ATP8A2: variants seen among roughly 807,000 people sequenced by gnomAD.
The protein encoded by ATP8A2 is ATPase phospholipid transporting 8A2, also known as phospholipid-transporting ATPase IB.
In ATP8A2, 100 loss-of-function variants were observed where a neutral mutation model predicts 165.6. The observed-to-expected ratio is 0.60, with a 90% CI of 0.51 to 0.71. The LOEUF (loss-of-function observed/expected upper bound fraction) is 0.71. ATP8A2 is among the 30% of genes least tolerant of loss of function. ATP8A2 has a pLI of 0.00. For missense variants in ATP8A2, 1,227 were observed against 1,479.5 expected (o/e 0.83, Z 2.80); for synonymous variants, 543 against 548.8 (o/e 0.99, Z 0.15).
intron 33 of ATP8A2, among the ~76,000 whole-genome samples, chr13:25,898,112 A>T (rs960560449): frequency 2.0e-5 from 3 of 152,170 alleles, no homozygotes; most frequent in Admixed American, 2.0e-4. Context: ...TCTGATTTTT[A>T]GAGTTTCCAG....
intron 2 of ATP8A2, among the ~76,000 whole-genome samples, chr13:25,502,983 C>T (rs966044343): frequency 1.2e-4 from 18 of 152,144 alleles, no homozygotes; most frequent in Admixed American, 2.6e-4. Context: ...GAAGACTTGA[C>T]CAAACTTTTG....
intron 24 of ATP8A2, among the ~76,000 whole-genome samples, chr13:25,627,405 T>A (rs753434216): frequency 6.6e-6 from 1 of 152,104 alleles, no homozygotes; most frequent in Non-Finnish European, 1.5e-5. Flanking sequence ...AAAATTTATA[T>A]GTTGAAGCGC....
At position 25,768,942 on chromosome 13, in the gene ATP8A2, G is replaced by A. The variant is rs779308406; in HGVS notation, c.2385-104G>A. Reference sequence around the variant, plus strand: ...AGCATAAAATGGATGTATTGAATTTGGAGATCGTCCAGTAACTGTCCTTTT... The same window carrying A: ...AGCATAAAATGGATGTATTGAATTTAGAGATCGTCCAGTAACTGTCCTTTT... On this transcript the variant is annotated intron_variant, in intron 25 of 36. Coordinates refer to ENST00000381655, the MANE Select transcript of ATP8A2 (RefSeq NM_016529.6). The A allele has an allele frequency of 4.6e-6, 5 of 1,087,716 alleles. No individual in the cohort carries two copies. In the African/African-American group the frequency reaches 6.2e-5, roughly 14 times the overall value. 67.4% of individuals were successfully genotyped at this position (1,087,716 alleles called of 1,614,324 possible).
intron 33 of ATP8A2, among the ~76,000 whole-genome samples, chr13:25,907,459 T>C (rs147266884): frequency 6.6e-6 from 1 of 152,360 alleles, no homozygotes; most frequent in East Asian, 1.9e-4. Context: ...GAGCTTGGCC[T>C]CTGGTGAGTT....
intron 24 of ATP8A2, among the ~76,000 whole-genome samples, chr13:25,668,365 C>T (rs2042197619): frequency 6.6e-6 from 1 of 151,990 alleles, no homozygotes; most frequent in Non-Finnish European, 1.5e-5. Context: ...TTCTGGGCTC[C>T]ATGGTTTCTG....
intron 33 of ATP8A2, chr13:25,950,942 CT>C (rs1955338923): frequency 6.6e-6 from 1 of 152,218 alleles, no homozygotes; most frequent in African/African-American, 2.4e-5. Context: ...CTCATGCACA[CT>C]CCCTTTCCCC....
At position 25,387,164 on chromosome 13, in the gene ATP8A2, TCTG is replaced by T. The variant is rs547580962; in HGVS notation, c.76+14878_76+14880del. Among the ~76,000 whole-genome samples, 874 of 152,274 alleles carry T rather than the reference TCTG, an allele frequency of 5.7e-3. 4 individuals carry two copies. Among genetic ancestry groups the T allele is most frequent in the Middle Eastern group, 0.014 (4 of 294 alleles). On this transcript the variant is annotated intron_variant, in intron 1 of 36. Transcript: ENST00000381655. ...ACCGGAGAAACATTGCCGAGGTGAT[TCTG>T]CCTAGAAAGCAATCAAGGATTTCCA...
intron 30 of ATP8A2, among the ~76,000 whole-genome samples, chr13:25,854,853 A>G (rs1347921748): frequency 6.6e-6 from 1 of 152,228 alleles, no homozygotes; most frequent in African/African-American, 2.4e-5. Context: ...CATTGAAAGT[A>G]TGCAATTCTA....
chr13:25,480,798 G>A (rs1323877707), intron 2 of ATP8A2, among the ~76,000 whole-genome samples: 1 of 149,552 alleles, frequency 6.7e-6, no homozygotes, highest in Admixed American at 6.6e-5. Flanking sequence ...GGGAGGCCAA[G>A]GCAGGTGGCT....
chr13:25,624,087 G>A (rs1043656438), intron 24 of ATP8A2, among the ~76,000 whole-genome samples: 1 of 152,066 alleles, frequency 6.6e-6, no homozygotes, highest in African/African-American at 2.4e-5. Flanking sequence ...CACATTGGTG[G>A]TGCTTAAACG....
intron 30 of ATP8A2, among the ~76,000 whole-genome samples, chr13:25,844,025 G>T (rs1211340160): frequency 6.6e-6 from 1 of 152,140 alleles, no homozygotes; most frequent in Non-Finnish European, 1.5e-5. Context: ...GCAAGAGTAT[G>T]CCAGGACCAT....
intron 27 of ATP8A2, among the ~76,000 whole-genome samples, chr13:25,775,256 TTGGC>T (rs1290377370): frequency 6.6e-6 from 1 of 152,186 alleles, no homozygotes; most frequent in Non-Finnish European, 1.5e-5. Flanking sequence ...CTCTGTGTCC[TTGGC>T]TGGGGTAGAA....
At chr13:25,506,894 C>T (rs148001052) in intron 2 of ATP8A2, among the ~76,000 whole-genome samples, 40 of 145,286 alleles carry the variant, frequency 2.8e-4, no homozygotes, top group African/African-American at 9.9e-4. Flanking sequence ...TTCAGATTTT[C>T]GGATTAGGGA....
chr13:25,951,416 T>G (rs1955355528), intron 33 of ATP8A2, among the ~76,000 whole-genome samples: 1 of 152,238 alleles, frequency 6.6e-6, no homozygotes, highest in African/African-American at 2.4e-5. Context: ...ATTTCATTCA[T>G]ATGAAGTTTG....
intron 4 of ATP8A2, among the ~76,000 whole-genome samples, chr13:25,531,307 G>GATATATATGAT (rs2038065490): frequency 1.8e-5 from 2 of 111,094 alleles, no homozygotes; most frequent in African/African-American, 8.2e-5. Context: ...TGTTATATAT[G>GATATATATGAT]ATATATATGT....
chr13:25,920,447 T>C (rs1247580178), intron 33 of ATP8A2, among the ~76,000 whole-genome samples: 1 of 152,172 alleles, frequency 6.6e-6, no homozygotes, highest in Non-Finnish European at 1.5e-5. Flanking sequence ...GAAAAAGATG[T>C]CTTTGTGTTC....
chr13:25,901,066 T>C (rs949391886), intron 33 of ATP8A2, among the ~76,000 whole-genome samples: 3 of 152,132 alleles, frequency 2.0e-5, no homozygotes, highest in African/African-American at 7.2e-5. Flanking sequence ...TGCATTGCTC[T>C]AGCAAGGAAG....
chr13:25,618,683 C>T (rs1593662432), intron 24 of ATP8A2, among the ~76,000 whole-genome samples: 1 of 131,552 alleles, frequency 7.6e-6, no homozygotes, highest in Non-Finnish European at 1.6e-5. Flanking sequence ...GATAGTTAGA[C>T]TTTTTTTTTT....
chr13:25,619,361 A>T (rs1426333212), intron 24 of ATP8A2, among the ~76,000 whole-genome samples: 2 of 152,210 alleles, frequency 1.3e-5, no homozygotes, highest in Non-Finnish European at 2.9e-5. Context: ...GCTCCTCTTC[A>T]TAGGAGGGCA....
Sources: gnomAD v4.1 joint callset for allele counts (sites outside exome capture counted in the v4.1 genomes callset) on GRCh38, gnomAD v4.1.1 for gene constraint, MANE v1.5 for transcripts, NCBI Gene and HGNC (gene_info 2026-07-23, HGNC 2026-07-21) for gene names.